The following EVL variants were observed in gnomAD, a reference collection of about 807,000 sequenced individuals.
EVL encodes Enah/Vasp-like.
Under a neutral mutation model 59.6 loss-of-function variants are expected in EVL, and 21 were observed. The ratio of observed to expected loss-of-function variants is 0.35; its 90% confidence interval spans 0.25 to 0.51. EVL has a LOEUF of 0.51. Ranked by LOEUF, EVL falls within the 20% of genes least tolerant of loss-of-function variation. The pLI is 0.97. For missense variants in EVL, 462 were observed against 546.6 expected (o/e 0.85, Z 1.54); for synonymous variants, 198 against 203.5 (o/e 0.97, Z 0.23).
Position 100,143,912 on chromosome 14 carries a change from C to CA in EVL, c.*174_*175insA, listed in dbSNP as rs1296341532. 7.2e-6 allele frequency: 5 copies of CA among 692,896 alleles called. No homozygotes were observed. In the Admixed American group the frequency reaches 1.5e-4, roughly 21 times the overall value. 42.9% of individuals were successfully genotyped at this position (692,896 alleles called of 1,614,324 possible). The stretch of plus-strand genomic sequence containing the variant: ...GACAGTGAGGAAACCAAGTGCAACT[C>CA]CTGGGTTTTTTTAGATTCTGCCTGA... On this transcript the variant is annotated 3_prime_UTR_variant, in exon 14 of 14. Transcript: ENST00000392920.
intron 1 of EVL, among the ~76,000 whole-genome samples, chr14:99,995,829 T>A (rs572981174): frequency 5.3e-5 from 8 of 152,282 alleles, no homozygotes; most frequent in African/African-American, 1.9e-4. Flanking sequence ...TGTAATACCC[T>A]AGTTGAGGTT....
rs763243675 is a variant in EVL at position 100,143,754 on chromosome 14, G to A, written c.*16G>A. 1 of 1,611,026 alleles carries A rather than the reference G, an allele frequency of 6.2e-7. No individual in the cohort carries two copies. Among genetic ancestry groups the A allele is most frequent in the South Asian group, 1.1e-5 (1 of 90,912 alleles). ...CACCACGTAAGGGGCCGGCCTCGCT[G>A]CGCTGATTCGTCGAGCCCATCCGGC... On this transcript the variant is annotated 3_prime_UTR_variant, in exon 14 of 14. Coordinates refer to ENST00000392920, the MANE Select transcript of EVL (RefSeq NM_016337.3).
At chr14:99,995,870 C>T (rs575173911) in intron 1 of EVL, among the ~76,000 whole-genome samples, 4 of 152,116 alleles carry the variant, frequency 2.6e-5, no homozygotes, top group Non-Finnish European at 4.4e-5. Flanking sequence ...TTTCACTTCC[C>T]GATTTCCATC....
At chr14:100,023,210 AT>A (rs34334963) in intron 1 of EVL, among the ~76,000 whole-genome samples, 47,335 of 135,190 alleles carry the variant, frequency 0.35, 10,769 homozygotes, top group African/African-American at 0.67. Context: ...TTTTTTTTTA[AT>A]TTTTTTTTTT....
intron 1 of EVL, among the ~76,000 whole-genome samples, chr14:100,010,165 C>T (rs745951748): frequency 6.6e-6 from 1 of 152,116 alleles, no homozygotes; most frequent in Non-Finnish European, 1.5e-5. Context: ...CTTTGCAGGG[C>T]AATTTCAAGG....
intron 1 of EVL, among the ~76,000 whole-genome samples, chr14:100,077,138 A>G (rs1278744091): frequency 6.6e-6 from 1 of 152,184 alleles, no homozygotes; most frequent in Non-Finnish European, 1.5e-5. Context: ...CTCTCTGGTG[A>G]CATTGCAATT....
intron 1 of EVL, among the ~76,000 whole-genome samples, chr14:100,025,779 A>C (rs921974417): frequency 5.3e-5 from 8 of 152,140 alleles, no homozygotes; most frequent in Admixed American, 3.9e-4. Flanking sequence ...AAATACAAAA[A>C]TACAAAATTA....
intron 1 of EVL, among the ~76,000 whole-genome samples, chr14:100,024,301 G>A (rs2140207289): frequency 6.6e-6 from 1 of 152,260 alleles, no homozygotes; most frequent in Admixed American, 6.5e-5. Context: ...GTAGTATTGG[G>A]GAAGACTTGA....
chr14:100,051,676 G>C (rs965118515), intron 1 of EVL, among the ~76,000 whole-genome samples: 1 of 152,044 alleles, frequency 6.6e-6, no homozygotes, highest in African/African-American at 2.4e-5. Context: ...CTTGTTTATG[G>C]TATGGTCATT....
At chr14:100,092,326 A>T (rs370912313) in intron 2 of EVL, among the ~76,000 whole-genome samples, 60 of 152,366 alleles carry the variant, frequency 3.9e-4, no homozygotes, top group Non-Finnish European at 7.8e-4. Flanking sequence ...AAATATATGT[A>T]TGAAAATGTT....
chr14:100,128,017 A>G (rs1482663577), intron 5 of EVL, among the ~76,000 whole-genome samples: 1 of 152,206 alleles, frequency 6.6e-6, no homozygotes, highest in Non-Finnish European at 1.5e-5. Context: ...ATGATGCTGG[A>G]GCCCAGCACT....
chr14:99,987,204 A>G lies in EVL; in HGVS notation c.5+15147A>G, dbSNP rs1390849194. Among the ~76,000 whole-genome samples the G allele has an allele frequency of 2.0e-5, 3 of 151,846 alleles. No individual in the cohort carries two copies. In the East Asian group the frequency reaches 5.8e-4, roughly 29 times the overall value. ...ATATAAAGAACTCTTATATTTTGCTATGGTCTAAAAGTTTGTGTGCTCCCA... is the reference window on the plus strand; with the variant it reads ...ATATAAAGAACTCTTATATTTTGCTGTGGTCTAAAAGTTTGTGTGCTCCCA... On this transcript the variant is annotated intron_variant, in intron 1 of 13. Coordinates refer to the EVL transcript ENST00000402714.
rs543444812 is a variant in EVL, at chr14:99,980,146, T to C, written c.5+8089T>C. Among the ~76,000 whole-genome samples the C allele has an allele frequency of 3.9e-5, 6 of 152,330 alleles. No homozygotes were observed. The South Asian group carries it at 1.2e-3, about 32-fold the overall frequency. On this transcript the variant is annotated intron_variant, in intron 1 of 13. Coordinates refer to the EVL transcript ENST00000402714. ...TCTGAGATGGGTCCTGGAACCAGTC[T>C]CCTGTGGATACTGAGTATGACTGTA...
chr14:100,120,756 A>G (rs747974050), intron 3 of EVL, among the ~76,000 whole-genome samples: 36 of 152,286 alleles, frequency 2.4e-4, no homozygotes, highest in East Asian at 2.1e-3. Context: ...ATCTTATTCA[A>G]TGGAGCCTGG....
At chr14:99,997,996 CTCTT>C (rs1210476212) in intron 1 of EVL, among the ~76,000 whole-genome samples, 1 of 152,042 alleles carries the variant, frequency 6.6e-6, no homozygotes, top group Non-Finnish European at 1.5e-5. Flanking sequence ...CATTCAACAA[CTCTT>C]TATTTATTCA....
intron 1 of EVL, among the ~76,000 whole-genome samples, chr14:100,035,989 A>G (rs891198651): frequency 6.6e-5 from 10 of 151,778 alleles, no homozygotes; most frequent in African/African-American, 2.4e-4. Context: ...GGGGTCCCCA[A>G]CCCCTCAGGC....
At chr14:100,001,553 T>C (rs2060946327) in intron 1 of EVL, among the ~76,000 whole-genome samples, 1 of 152,242 alleles carries the variant, frequency 6.6e-6, no homozygotes, top group African/African-American at 2.4e-5. Context: ...TCACATAGGC[T>C]TTTAAAATTG....
rs145247472 is a variant in EVL, at chr14:99,977,098, G to A, written c.5+5041G>A. The A allele has an allele frequency of 5.9e-4, 90 of 152,292 alleles. 1 individual carries two copies. The highest frequency in any genetic ancestry group is 1.9e-3 in the African/African-American group (81 of 41,548). The allele number at this position is 152,292 out of a possible 1,614,324, so 9.4% of individuals were successfully genotyped here. The stretch of plus-strand genomic sequence containing the variant: ...CTGGAGATTCATGCTACCAGGTTAT[G>A]GAAGCTGTAGAGAACAGTGACACCT... On this transcript the variant is annotated intron_variant, in intron 1 of 13. Transcript: ENST00000402714.
At chr14:100,069,675 A>G (rs1341482425) in intron 1 of EVL, among the ~76,000 whole-genome samples, 1 of 152,158 alleles carries the variant, frequency 6.6e-6, no homozygotes, top group East Asian at 1.9e-4. Context: ...CCTCTAGTTG[A>G]GAAACATTCC....
Sources: allele counts gnomAD v4.1 joint callset (sites outside exome capture counted in the v4.1 genomes callset), GRCh38; gene constraint gnomAD v4.1.1; transcripts MANE v1.5; gene names NCBI Gene and HGNC (gene_info 2026-07-23, HGNC 2026-07-21).